SLC9A1: variants seen among roughly 807,000 people sequenced by gnomAD.
The protein encoded by SLC9A1 is sodium/hydrogen exchanger 1.
Under a neutral mutation model 67.9 loss-of-function variants are expected in SLC9A1, and 22 were observed. The ratio of observed to expected loss-of-function variants is 0.32; its 90% CI spans 0.23 to 0.46. The LOEUF (loss-of-function observed/expected upper bound fraction) is 0.46. Among genes scored for constraint, SLC9A1 ranks in the 20% least tolerant of loss-of-function variants. SLC9A1 has a pLI of 1.00. For missense variants in SLC9A1, 686 were observed against 1,094.8 expected, an observed-to-expected ratio of 0.63 and a Z score of 5.27; for synonymous variants, 421 against 471.8, an observed-to-expected ratio of 0.89 and a Z score of 1.40.
chr1:27,103,661 T>G, intron 5 of SLC9A1: 2 of 316,654 alleles, frequency 6.3e-6, no homozygotes, highest in Non-Finnish European at 1.2e-5. Flanking sequence ...CAGGGAAAAC[T>G]ACCTCTGCAC....
Position 27,106,982 on chromosome 1 carries a change from C to A in SLC9A1, c.1282+666G>T, listed in dbSNP as rs994870150. Among the ~76,000 whole-genome samples the A allele has an allele frequency of 6.6e-6, 1 of 151,762 alleles. No homozygotes were observed. Among genetic ancestry groups the A allele is most frequent in the Non-Finnish European group, 1.5e-5 (1 of 67,908 alleles). On this transcript the variant is annotated intron_variant, in intron 4 of 11. Transcript: ENST00000263980. This position sits in a 1 kb window ranked among gnomAD's most constrained non-coding sequence, Gnocchi z 4.3. The stretch of plus-strand genomic sequence containing the variant: ...TTGCTGTGACACAGGCTTCTCCCTG[C>A]TGAAGGGCCCATCATGGAAATGGGA...
intron 1 of SLC9A1, among the ~76,000 whole-genome samples, chr1:27,146,126 C>A (rs2083483914): frequency 6.6e-6 from 1 of 152,172 alleles, no homozygotes. Flanking sequence ...GAGGCCCACA[C>A]AGGCGATGGA....
In SLC9A1 at chr1:27,106,684, C is replaced by CATGTGAGTGGAA. The variant is rs538503224; in HGVS notation, c.1283-609_1283-598dup. Among the ~76,000 whole-genome samples the CATGTGAGTGGAA allele has an allele frequency of 1.1e-4, 17 of 152,174 alleles. 1 individual carries two copies. The East Asian group carries it at 3.3e-3, about 29-fold the overall frequency. Reference sequence around the variant, plus strand: ...GCACTGGGGTGAGGCATGTGGGGCACATGTGAGTGGAACCCATGCACCTGG... The same window carrying CATGTGAGTGGAA: ...GCACTGGGGTGAGGCATGTGGGGCACATGTGAGTGGAAATGTGAGTGGAACCCATGCACCTGG... On this transcript the variant is annotated intron_variant, in intron 4 of 11. Coordinates refer to ENST00000263980, the MANE Select transcript of SLC9A1 (RefSeq NM_003047.5). This position sits in a 1 kb window ranked among gnomAD's most constrained non-coding sequence, Gnocchi z 4.3.
At chr1:27,132,898 C>T (rs1406468945) in intron 1 of SLC9A1, among the ~76,000 whole-genome samples, 1 of 152,162 alleles carries the variant, frequency 6.6e-6, no homozygotes, top group East Asian at 1.9e-4. Flanking sequence ...GGAGCCATTT[C>T]CACTGCCTGG....
At chr1:27,119,821 A>T (rs546659087) in intron 1 of SLC9A1, among the ~76,000 whole-genome samples, 1 of 152,338 alleles carries the variant, frequency 6.6e-6, no homozygotes, top group South Asian at 2.1e-4. Context: ...TGAGCCTAGG[A>T]CTAAAGAGGC....
chr1:27,136,931 C>T (rs2083423867), intron 1 of SLC9A1, among the ~76,000 whole-genome samples: 1 of 152,146 alleles, frequency 6.6e-6, no homozygotes, highest in South Asian at 2.1e-4. Context: ...CAGGAAAGAG[C>T]CCACACTTCT....
chr1:27,146,046 G>C (rs1165701332), intron 1 of SLC9A1, among the ~76,000 whole-genome samples: 5 of 152,224 alleles, frequency 3.3e-5, no homozygotes, highest in African/African-American at 1.2e-4. Flanking sequence ...GCCCAGTGCA[G>C]TGTGTGCAGA....
At chr1:27,136,990 C>A (rs1452557642) in intron 1 of SLC9A1, among the ~76,000 whole-genome samples, 3 of 152,266 alleles carry the variant, frequency 2.0e-5, no homozygotes, top group Non-Finnish European at 4.4e-5. Context: ...TAGGTTTGGG[C>A]CTCGTTGCCA....
Position 27,109,485 on chromosome 1 carries a change from C to T in SLC9A1, c.1064+42G>A. The T allele has an allele frequency of 6.3e-7, 1 of 1,598,024 alleles. No homozygotes were observed. Among genetic ancestry groups the T allele is most frequent in the South Asian group, 1.1e-5 (1 of 90,488 alleles). On this transcript the variant is annotated intron_variant, in intron 3 of 11. Transcript: ENST00000263980. The surrounding 1 kb of genome is among the most constrained non-coding windows in gnomAD (Gnocchi z 5.5). ...GGGAATCCAAGCTGGCAGCCCCCGCCCCCACCCCGCCAAGCCCACTGCCTG... is the reference window on the plus strand; with the variant it reads ...GGGAATCCAAGCTGGCAGCCCCCGCTCCCACCCCGCCAAGCCCACTGCCTG...
Position 27,109,727 on chromosome 1 carries a change from G to A in SLC9A1, c.864C>T (p.Ile288=), listed in dbSNP as rs760094376. 81 of 1,614,088 alleles carry A rather than the reference G, an allele frequency of 5.0e-5. No individual in the cohort carries two copies. The highest frequency in any genetic ancestry group is 3.3e-4 in the Middle Eastern group (2 of 6,056). The part of the protein sequence containing the change: ...EEFANYEHVG[I]VDIFLGFLSF... ...TCAGGAAGCCGAGGAAGATGTCCAC[G>A]ATGCCCACGTGTTCGTAGTTGGCAA... is the stretch of plus-strand genomic sequence containing the variant. Residue 288 remains isoleucine (I), a synonymous_variant, in exon 3 of 12, where the codon ATC becomes ATT. Transcript: ENST00000263980. This position sits in a 1 kb window ranked among gnomAD's most constrained non-coding sequence, Gnocchi z 5.5.
intron 1 of SLC9A1, among the ~76,000 whole-genome samples, chr1:27,129,661 G>A (rs1343532587): frequency 6.6e-6 from 1 of 152,180 alleles, no homozygotes; most frequent in Non-Finnish European, 1.5e-5. Context: ...GAGAGGGGAC[G>A]GAACTTGGTT....
chr1:27,136,504 C>T (rs1336197581), intron 1 of SLC9A1, among the ~76,000 whole-genome samples: 3 of 150,938 alleles, frequency 2.0e-5, no homozygotes, highest in Non-Finnish European at 4.4e-5. Context: ...GTCACCCTAA[C>T]CCCTCTCCTC....
intron 1 of SLC9A1, among the ~76,000 whole-genome samples, chr1:27,143,588 C>G (rs1422457359): frequency 6.6e-6 from 1 of 152,232 alleles, no homozygotes; most frequent in Non-Finnish European, 1.5e-5. Context: ...ATCTGAGGGC[C>G]TCACAGTCTG....
chr1:27,136,098 C>G (rs1177201652), intron 1 of SLC9A1, among the ~76,000 whole-genome samples: 3 of 152,338 alleles, frequency 2.0e-5, no homozygotes, highest in Non-Finnish European at 2.9e-5. Flanking sequence ...ACCTGCAGAG[C>G]CTTCTGGGCC....
intron 1 of SLC9A1, among the ~76,000 whole-genome samples, chr1:27,130,116 T>G (rs995530684): frequency 8.5e-5 from 13 of 152,194 alleles, no homozygotes; most frequent in Non-Finnish European, 2.9e-5. Flanking sequence ...TTGTTTGTTT[T>G]TTGAGACAGA....
intron 2 of SLC9A1, among the ~76,000 whole-genome samples, chr1:27,111,172 C>G (rs973795199): frequency 6.6e-6 from 1 of 152,160 alleles, no homozygotes; most frequent in Non-Finnish European, 1.5e-5. Context: ...CAGCGGCAGA[C>G]AGCCTCTTAG....
At position 27,131,439 on chromosome 1, in the gene SLC9A1, CAAAAAAAAAAAAAAAA is replaced by C. The variant is rs35954506; in HGVS notation, c.353-17169_353-17154del. Among the ~76,000 whole-genome samples the C allele has an allele frequency of 7.3e-3, 200 of 27,492 alleles. 3 individuals carry two copies. In the East Asian group the frequency reaches 0.21, roughly 29 times the overall value. The allele number at this position is 27,492 out of a possible 152,430, so 18.0% of individuals were successfully genotyped here. ...TGAAACCCCGTCTCTACTAAAAATA[CAAAAAAAAAAAAAAAA>C]AAAAAAAAAAGAGGCAGGGCACGGT... On this transcript the variant is annotated intron_variant, in intron 1 of 11. Transcript: ENST00000263980.
chr1:27,110,009 G>A (rs2083217076), intron 2 of SLC9A1, among the ~76,000 whole-genome samples: 1 of 152,224 alleles, frequency 6.6e-6, no homozygotes, highest in Non-Finnish European at 1.5e-5. Flanking sequence ...GCCCTGGGAA[G>A]CTCTGTGAAG....
Position 27,155,113 on chromosome 1 carries a change from G to A in SLC9A1, c.-779C>T, listed in dbSNP as rs2083558957. ...AGAACTAACCCTAGCCCCGGCCCCG[G>A]CGGCAGCAGACTGAAGCCTAGCTGA... is the stretch of plus-strand genomic sequence containing the variant. On this transcript the variant is annotated 5_prime_UTR_variant, in exon 1 of 12. Coordinates refer to ENST00000263980, the MANE Select transcript of SLC9A1 (RefSeq NM_003047.5). This position sits in a 1 kb window ranked among gnomAD's most constrained non-coding sequence, Gnocchi z 4.5. Among the ~76,000 whole-genome samples the A allele has an allele frequency of 6.6e-6, 1 of 152,074 alleles. No individual in the cohort carries two copies. Among genetic ancestry groups the A allele is most frequent in the Admixed American group, 6.6e-5 (1 of 15,264 alleles).
Sources: gnomAD v4.1 joint callset for allele counts (sites outside exome capture counted in the v4.1 genomes callset) on GRCh38, gnomAD v4.1.1 for gene constraint, Gnocchi (gnomAD v3.1) non-coding constraint, MANE v1.5 for transcripts, NCBI Gene and HGNC (gene_info 2026-07-23, HGNC 2026-07-21) for gene names.